Variants in PARPBP observed in about 807,000 individuals in gnomAD.
PARPBP encodes PCNA-interacting partner.
Under a neutral mutation model 50.0 loss-of-function variants are expected in PARPBP, and 52 were observed. That is an observed-to-expected ratio of 1.04 (90% confidence interval 0.83 to 1.31). The LOEUF is 1.31. Ranked by LOEUF, PARPBP falls within the 50% of genes most tolerant of loss-of-function variation. The pLI, the probability that PARPBP is intolerant of heterozygous loss-of-function variation, is 0.00. For missense variants in PARPBP, 697 were observed against 672.0 expected (o/e 1.04, Z -0.41); for synonymous variants, 244 against 232.1 (o/e 1.05, Z -0.47).
At chr12:102,151,427 C>T (rs948618082) in intron 3 of PARPBP, 2 of 623,900 alleles carry the variant, frequency 3.2e-6, no homozygotes, top group African/African-American at 3.7e-5. Flanking sequence ...TGAGAAAGCT[C>T]ATAAAATGTA....
At chr12:102,151,389 A>T (rs557551627) in intron 3 of PARPBP, among the ~76,000 whole-genome samples, 1 of 152,228 alleles carries the variant, frequency 6.6e-6, no homozygotes, top group African/African-American at 2.4e-5. Context: ...TTTTGGCTTT[A>T]ACTTCTTTGT....
At chr12:102,147,162 A>C (rs1885480764) in intron 2 of PARPBP, among the ~76,000 whole-genome samples, 1 of 152,164 alleles carries the variant, frequency 6.6e-6, no homozygotes, top group African/African-American at 2.4e-5. Context: ...CAGTGTGGCT[A>C]TTCCTCGGAT....
chr12:102,147,155 T>C (rs1430174063), intron 2 of PARPBP, among the ~76,000 whole-genome samples: 4 of 152,226 alleles, frequency 2.6e-5, no homozygotes, highest in African/African-American at 9.6e-5. Flanking sequence ...TGGAAGTCAG[T>C]GTGGCTATTC....
intron 1 of PARPBP, among the ~76,000 whole-genome samples, chr12:102,122,708 C>A (rs994072982): frequency 4.6e-5 from 7 of 152,260 alleles, no homozygotes; most frequent in Non-Finnish European, 7.4e-5. Context: ...TAACATGATG[C>A]TTTAAGAACA....
At position 102,137,800 on chromosome 12, in the gene PARPBP, C is replaced by T. The variant is rs368410699; in HGVS notation, c.154-10430C>T. Among the ~76,000 whole-genome samples, 25 of 152,224 alleles carry T rather than the reference C, an allele frequency of 1.6e-4. No homozygotes were observed. In the South Asian group the frequency reaches 2.9e-3, roughly 18 times the overall value. ...ATAGTTTGCTCGGAATGATGGTTTC[C>T]AGCTTCATCCATGTCCCTACAAAGG... On this transcript the variant is annotated intron_variant, in intron 2 of 10. Transcript: ENST00000327680.
intron 8 of PARPBP, among the ~76,000 whole-genome samples, chr12:102,180,689 C>G (rs965991210): frequency 1.3e-5 from 2 of 152,220 alleles, no homozygotes; most frequent in African/African-American, 4.8e-5. Context: ...CCACTGCACT[C>G]TCTCCTAGGT....
chr12:102,178,549 TG>T (rs1239679829), intron 7 of PARPBP, 42 bp from the exon 8 acceptor site: 3 of 1,319,944 alleles, frequency 2.3e-6, no homozygotes, highest in Non-Finnish European at 3.1e-6. Flanking sequence ...TTCACCCAGC[TG>T]GGGTGATTAT....
intron 8 of PARPBP, among the ~76,000 whole-genome samples, chr12:102,180,461 A>G (rs965583304): frequency 4.3e-4 from 66 of 152,332 alleles, no homozygotes; most frequent in African/African-American, 1.6e-3. Context: ...CCGGAGCTTT[A>G]GGAGGCCAAG....
At position 102,164,876 on chromosome 12, in the gene PARPBP, C is replaced by T. The variant is rs149600719; in HGVS notation, c.666+268C>T. Reference sequence around the variant, plus strand: ...TGAATAAATGTTTCCAGTGTCAAAACGTTTCTGTTAAATGTTCTTTGAATA... The same window carrying T: ...TGAATAAATGTTTCCAGTGTCAAAATGTTTCTGTTAAATGTTCTTTGAATA... On this transcript the variant is annotated intron_variant, in intron 5 of 10. Coordinates refer to ENST00000327680, the MANE Select transcript of PARPBP (RefSeq NM_017915.5). Among the ~76,000 whole-genome samples the T allele has an allele frequency of 8.4e-3, 1,285 of 152,202 alleles. 5 individuals carry two copies. The highest frequency in any genetic ancestry group is 0.037 in the Middle Eastern group (11 of 294).
chr12:102,166,437 T>C (rs1178369686), intron 6 of PARPBP, among the ~76,000 whole-genome samples: 1 of 152,152 alleles, frequency 6.6e-6, no homozygotes, highest in East Asian at 1.9e-4. Context: ...AAGTGGATTG[T>C]AATGCTAGCA....
intron 4 of PARPBP, among the ~76,000 whole-genome samples, chr12:102,156,823 G>C (rs983341909): frequency 1.3e-5 from 2 of 151,992 alleles, no homozygotes; most frequent in African/African-American, 4.8e-5. Flanking sequence ...TGTATTTTTA[G>C]TAGAGACCAG....
chr12:102,151,772 T>A, intron 3 of PARPBP: 1 of 1,535,554 alleles, frequency 6.5e-7, no homozygotes, highest in Non-Finnish European at 8.7e-7. Context: ...AGACGAGACC[T>A]GAAGAAGCTG....
chr12:102,166,102 C>G (rs1408620121), intron 6 of PARPBP, among the ~76,000 whole-genome samples: 6 of 152,184 alleles, frequency 3.9e-5, no homozygotes, highest in South Asian at 2.1e-4. Context: ...CACATCCATA[C>G]TAAATTTGAT....
At chr12:102,120,395 C>T (rs1880805988) in intron 1 of PARPBP, 109 bp downstream of exon 1, 2 of 452,506 alleles carry the variant, frequency 4.4e-6, no homozygotes, top group African/African-American at 2.0e-5. Flanking sequence ...AGCAAAGTGC[C>T]GTGGGACCGA....
rs752447323 is a variant in PARPBP at position 102,197,160 on chromosome 12, G to C, written c.*869G>C. 9.9e-6 allele frequency: 16 copies of C among 1,611,234 alleles called. No homozygotes were observed. The East Asian group carries it at 2.2e-4, about 22-fold the overall frequency. ...GACCATGATTTAAGAAATTATGTTTGGAGCCTGTGTTCTGTAAAGAGAAGG... is the reference window on the plus strand; with the variant it reads ...GACCATGATTTAAGAAATTATGTTTCGAGCCTGTGTTCTGTAAAGAGAAGG... On this transcript the variant is annotated 3_prime_UTR_variant, in exon 11 of 11. Coordinates refer to ENST00000327680, the MANE Select transcript of PARPBP (RefSeq NM_017915.5).
intron 9 of PARPBP, among the ~76,000 whole-genome samples, chr12:102,186,433 T>C (rs1685597813): frequency 6.6e-6 from 1 of 152,116 alleles, no homozygotes; most frequent in Non-Finnish European, 1.5e-5. Flanking sequence ...AAGTTTTTCT[T>C]GTTTTTGGAT....
At chr12:102,120,692 A>G (rs1880890138) in intron 1 of PARPBP, among the ~76,000 whole-genome samples, 1 of 152,158 alleles carries the variant, frequency 6.6e-6, no homozygotes, top group Non-Finnish European at 1.5e-5. Context: ...AATGATGTTG[A>G]GTGCAATTTT....
At chr12:102,121,753 A>G (rs1049661157) in intron 1 of PARPBP, among the ~76,000 whole-genome samples, 1 of 151,988 alleles carries the variant, frequency 6.6e-6, no homozygotes, top group Non-Finnish European at 1.5e-5. Flanking sequence ...CATGTTGGCC[A>G]GGTTGGTCTC....
intron 8 of PARPBP, among the ~76,000 whole-genome samples, chr12:102,182,271 T>C (rs567384419): frequency 6.6e-6 from 1 of 152,314 alleles, no homozygotes; most frequent in South Asian, 2.1e-4. Context: ...TGTTGCCTGA[T>C]GATTTTGCCC....
Sources: allele counts gnomAD v4.1 joint callset (sites outside exome capture counted in the v4.1 genomes callset), GRCh38; gene constraint gnomAD v4.1.1; transcripts MANE v1.5; gene names NCBI Gene and HGNC (gene_info 2026-07-23, HGNC 2026-07-21).